DPP6: variants seen among roughly 807,000 people sequenced by gnomAD.
DPP6 encodes A-type potassium channel modulatory protein DPP6.
DPP6 carries 69 observed loss-of-function variants against 122.6 expected under a neutral mutation model. That is an observed-to-expected ratio of 0.56 (90% CI 0.46 to 0.69). DPP6 has a LOEUF of 0.69. Among genes scored for constraint, DPP6 ranks in the 30% least tolerant of loss-of-function variants. The pLI is 0.00. For synonymous variants in DPP6, 418 were observed against 433.1 expected, an observed-to-expected ratio of 0.97 and a Z score of 0.43; for missense variants, 928 against 1,116.9, an observed-to-expected ratio of 0.83 and a Z score of 2.41.
chr7:154,159,214 G>A (rs958340094), intron 1 of DPP6, among the ~76,000 whole-genome samples: 1 of 152,166 alleles, frequency 6.6e-6, no homozygotes, highest in Non-Finnish European at 1.5e-5. Flanking sequence ...CGTGGTTCCT[G>A]GCACCTCTCT....
rs576047417 is a variant in DPP6, at chr7:154,585,873, G to A, written c.627+18957G>A. On this transcript the variant is annotated intron_variant, in intron 5 of 25. Transcript: ENST00000377770. ...ATTCTGAAGGAGGGGGCTTTGGGGC[G>A]GGAGCCTACAGGAAGCTGGAGGCAG... 3.3e-5 allele frequency among the ~76,000 whole-genome samples: 5 copies of A among 152,230 alleles called. No homozygotes were observed. The South Asian group carries it at 6.2e-4, about 19-fold the overall frequency.
intron 1 of DPP6, among the ~76,000 whole-genome samples, chr7:154,222,528 G>T (rs1156517858): frequency 4.0e-5 from 6 of 148,462 alleles, no homozygotes; most frequent in African/African-American, 1.6e-4. Context: ...GGTGGCGCAC[G>T]CCTGTAATCC....
In DPP6 at chr7:154,600,436, G is replaced by A. The variant is rs1049156290; in HGVS notation, c.627+33520G>A. On this transcript the variant is annotated intron_variant, in intron 5 of 25. Transcript: ENST00000377770. ...GAGCCACCATGCCCGGCCCTTTTATGTAATCTCTTATCCTGTCCCAAAGAC... is the reference window on the plus strand; with the variant it reads ...GAGCCACCATGCCCGGCCCTTTTATATAATCTCTTATCCTGTCCCAAAGAC... Among the ~76,000 whole-genome samples, 3 of 120,878 alleles carry A rather than the reference G, an allele frequency of 2.5e-5. 1 individual carries two copies. Among genetic ancestry groups the A allele is most frequent in the Non-Finnish European group, 5.6e-5 (3 of 53,616 alleles). 79.3% of individuals were successfully genotyped at this position (120,878 alleles called of 152,430 possible).
At chr7:154,708,050 G>C (rs547055107) in intron 7 of DPP6, among the ~76,000 whole-genome samples, 1 of 152,098 alleles carries the variant, frequency 6.6e-6, no homozygotes, top group Non-Finnish European at 1.5e-5. Flanking sequence ...CCAAAATATA[G>C]GGAATGTGAG....
At chr7:154,781,239 G>A (rs1463201353) in intron 10 of DPP6, among the ~76,000 whole-genome samples, 1 of 152,168 alleles carries the variant, frequency 6.6e-6, no homozygotes, top group Admixed American at 6.5e-5. Context: ...GGTGCTGAGT[G>A]TGTGAAAATG....
intron 7 of DPP6, among the ~76,000 whole-genome samples, chr7:154,718,170 G>A (rs570334160): frequency 2.0e-4 from 31 of 152,218 alleles, no homozygotes; most frequent in Middle Eastern, 3.4e-3. Context: ...CAGATGCGTC[G>A]TTTGCAGATA....
rs114223969 is a variant in DPP6, at chr7:154,649,309, A to G, written c.680+11436A>G. On this transcript the variant is annotated intron_variant, in intron 6 of 25. Coordinates refer to ENST00000377770, the MANE Select transcript of DPP6 (RefSeq NM_130797.4). ...TTTCATTGATATTTGAGTGTTTCTA[A>G]TTCGGGGCTAGTATGAATAAAAGTG... 7.7e-3 allele frequency among the ~76,000 whole-genome samples: 1,167 copies of G among 152,274 alleles called. 16 individuals are homozygous for G. The highest frequency in any genetic ancestry group is 0.041 in the Middle Eastern group (12 of 294).
At chr7:154,824,887 C>T (rs189974548) in intron 16 of DPP6, among the ~76,000 whole-genome samples, 1 of 152,184 alleles carries the variant, frequency 6.6e-6, no homozygotes, top group Non-Finnish European at 1.5e-5. Context: ...CTGGAGAGAA[C>T]CCCCGGTCTC....
chr7:154,062,820 C>A (rs936133179), intron 1 of DPP6, among the ~76,000 whole-genome samples: 1 of 125,132 alleles, frequency 8.0e-6, no homozygotes, highest in African/African-American at 3.0e-5. Flanking sequence ...AGGGGGGAGG[C>A]ACCCCCCGCG....
At chr7:154,744,293 C>G (rs1842940573) in intron 8 of DPP6, among the ~76,000 whole-genome samples, 1 of 152,194 alleles carries the variant, frequency 6.6e-6, no homozygotes, top group Non-Finnish European at 1.5e-5. Flanking sequence ...CTTGGAGAAG[C>G]CACACGTCAG....
chr7:154,169,254 C>T (rs996528365), intron 1 of DPP6, among the ~76,000 whole-genome samples: 1 of 152,074 alleles, frequency 6.6e-6, no homozygotes, highest in African/African-American at 2.4e-5. Context: ...GTCTTATGCC[C>T]ATCCTTGAAG....
chr7:154,624,671 C>A lies in DPP6; in HGVS notation c.628-13150C>A, dbSNP rs765716650. 6.6e-6 allele frequency among the ~76,000 whole-genome samples: 1 copy of A among 152,138 alleles called. No homozygotes were observed. The highest frequency in any genetic ancestry group is 2.4e-5 in the African/African-American group (1 of 41,420). ...TGCTCTGCACACAAACAATAGAAAG[C>A]AATGGAGCCCTTGTTAGAAACACAT... is the stretch of plus-strand genomic sequence containing the variant. On this transcript the variant is annotated intron_variant, in intron 5 of 25. Coordinates refer to ENST00000377770, the MANE Select transcript of DPP6 (RefSeq NM_130797.4). This position sits in a 1 kb window ranked among gnomAD's most constrained non-coding sequence, Gnocchi z 4.7.
Position 154,483,828 on chromosome 7 carries a change from G to A in DPP6, c.457+8791G>A, listed in dbSNP as rs2151375459. On this transcript the variant is annotated intron_variant, in intron 3 of 25. Coordinates refer to ENST00000377770, the MANE Select transcript of DPP6 (RefSeq NM_130797.4). This position sits in a 1 kb window ranked among gnomAD's most constrained non-coding sequence, Gnocchi z 8.1. ...TCCTGCCTCAGCCTCCCTAGTAGCT[G>A]GGATTACAGGTGCACACCATCACGC... Among the ~76,000 whole-genome samples, 1 of 152,260 alleles carries A rather than the reference G, an allele frequency of 6.6e-6. No homozygotes were observed. Among genetic ancestry groups the A allele is most frequent in the East Asian group, 1.9e-4 (1 of 5,172 alleles).
At chr7:153,914,336 G>A (rs1800216193) in intron 1 of DPP6, among the ~76,000 whole-genome samples, 1 of 152,082 alleles carries the variant, frequency 6.6e-6, no homozygotes, top group Admixed American at 6.6e-5. Context: ...TCTTAAATAT[G>A]TCTTTTTCAG....
chr7:154,634,679 C>CCTTCTCCTTCGTCTCCTT (rs1159250463), intron 5 of DPP6, among the ~76,000 whole-genome samples: 1 of 136,110 alleles, frequency 7.3e-6, no homozygotes, highest in East Asian at 1.9e-4. Context: ...TTCCCCTTCT[C>CCTTCTCCTTCGTCTCCTT]CTTCTCCTTC....
intron 1 of DPP6, among the ~76,000 whole-genome samples, chr7:154,001,621 A>G (rs4726368): frequency 0.81 from 121,675 of 150,190 alleles, 47,188 homozygotes; most frequent in Middle Eastern, 0.85. Flanking sequence ...ATGTTAAGGC[A>G]TATTAGGCCA....
At chr7:153,919,297 T>C (rs1480645687) in intron 1 of DPP6, among the ~76,000 whole-genome samples, 1 of 152,160 alleles carries the variant, frequency 6.6e-6, no homozygotes, top group African/African-American at 2.4e-5. Context: ...GCCTTTCCCC[T>C]AGCAAACTCT....
At chr7:154,576,478 G>C (rs1214332376) in intron 5 of DPP6, among the ~76,000 whole-genome samples, 1 of 152,168 alleles carries the variant, frequency 6.6e-6, no homozygotes, top group African/African-American at 2.4e-5. Context: ...TTTTGTAGTA[G>C]AAAGGGAGGA....
chr7:153,933,028 T>C (rs1040693973), intron 1 of DPP6, among the ~76,000 whole-genome samples: 5 of 152,182 alleles, frequency 3.3e-5, no homozygotes, highest in African/African-American at 7.2e-5. Flanking sequence ...CCTGCCGCCA[T>C]GTAAGATGTA....
Sources: gnomAD v4.1 joint callset for allele counts (sites outside exome capture counted in the v4.1 genomes callset) on GRCh38, gnomAD v4.1.1 for gene constraint, Gnocchi (gnomAD v3.1) non-coding constraint, MANE v1.5 for transcripts, NCBI Gene and HGNC (gene_info 2026-07-23, HGNC 2026-07-21) for gene names.